CNTN6: variants seen among roughly 807,000 people sequenced by gnomAD.
CNTN6 encodes contactin-6.
In CNTN6, 137 loss-of-function variants were observed where a neutral mutation model predicts 122.8. The observed-to-expected ratio is 1.12, with a 90% CI of 0.97 to 1.29. The LOEUF is 1.29. Among genes scored for constraint, CNTN6 ranks in the 50% most tolerant of loss-of-function variants. The probability of loss-of-function intolerance (pLI) is 0.00; values close to 1 mark genes in which losing one functional copy is unlikely to be tolerated. For missense variants in CNTN6, 1,634 were observed against 1,223.4 expected (o/e 1.34, Z -5.01); for synonymous variants, 570 against 426.0 (o/e 1.34, Z -4.16).
chr3:1,173,238 G>A, intron 2 of CNTN6: 1 of 456,610 alleles, frequency 2.2e-6, no homozygotes, highest in South Asian at 1.5e-5. Context: ...GCTGCTAACT[G>A]GACTTCGTCT....
intron 1 of CNTN6, among the ~76,000 whole-genome samples, chr3:1,137,503 C>T (rs2092507708): frequency 6.6e-6 from 1 of 152,052 alleles, no homozygotes; most frequent in Non-Finnish European, 1.5e-5. Context: ...TAAAGAGCTG[C>T]AAATTTAGAA....
At chr3:1,397,781 A>G (rs751813512) in intron 20 of CNTN6, among the ~76,000 whole-genome samples, 8 of 152,118 alleles carry the variant, frequency 5.3e-5, no homozygotes, top group Non-Finnish European at 8.8e-5. Context: ...TATGCAATCA[A>G]TCCATATTTA....
rs778366558 is a variant in CNTN6 at position 1,383,113 on chromosome 3, G to GTGTATAA, written c.2340_2346dup (p.Asn783ValfsTer2). 3.8e-5 allele frequency: 61 copies of GTGTATAA among 1,613,952 alleles called. No homozygotes were observed. The highest frequency in any genetic ancestry group is 4.2e-6 in the Non-Finnish European group (5 of 1,179,952). Reference sequence around the variant, plus strand: ...GTCTCCCTTTGAAGTCAAAGTGGGTGTGTATAATAATGAAGGAGAAGGATC... The same window carrying GTGTATAA: ...GTCTCCCTTTGAAGTCAAAGTGGGTGTGTATAATGTATAATAATGAAGGAGAAGGATC... On this transcript the variant is annotated frameshift_variant, in exon 18 of 23. Transcript: ENST00000446702. LOFTEE classifies it high-confidence loss of function.
At chr3:1,177,943 T>C (rs1442057755) in intron 2 of CNTN6, among the ~76,000 whole-genome samples, 2 of 149,148 alleles carry the variant, frequency 1.3e-5, no homozygotes, top group African/African-American at 4.9e-5. Flanking sequence ...CTCTGTCACC[T>C]AGGCTGGAGT....
rs763117890 is a variant in CNTN6, at chr3:1,106,549, ATC to A, written c.-83+13442_-83+13443del. ...ACACACACACACACACACACGCACA[ATC>A]TCTCTCTCTCTCAAACTTTGGCATA... On this transcript the variant is annotated intron_variant, in intron 1 of 22. Coordinates refer to ENST00000446702, the MANE Select transcript of CNTN6 (RefSeq NM_001289080.2). 5.5e-5 allele frequency among the ~76,000 whole-genome samples: 8 copies of A among 146,682 alleles called. No homozygotes were observed. The Admixed American group carries it at 5.5e-4, about 10-fold the overall frequency.
At chr3:1,102,443 C>T (rs2090951779) in intron 1 of CNTN6, among the ~76,000 whole-genome samples, 1 of 152,184 alleles carries the variant, frequency 6.6e-6, no homozygotes, top group African/African-American at 2.4e-5. Flanking sequence ...AAATTAAGAA[C>T]AGTCCTGCCG....
At chr3:1,097,352 A>C (rs886319110) in intron 1 of CNTN6, among the ~76,000 whole-genome samples, 1 of 152,248 alleles carries the variant, frequency 6.6e-6, no homozygotes, top group African/African-American at 2.4e-5. Flanking sequence ...TAGAAAACTT[A>C]TATGTATTAG....
chr3:1,299,228 T>C (rs1181290576), intron 7 of CNTN6, among the ~76,000 whole-genome samples: 1 of 152,204 alleles, frequency 6.6e-6, no homozygotes, highest in Non-Finnish European at 1.5e-5. Context: ...CATCAGTTTT[T>C]AATTGTCTGC....
At chr3:1,172,980 A>T (rs2093385900) in intron 2 of CNTN6, among the ~76,000 whole-genome samples, 1 of 152,162 alleles carries the variant, frequency 6.6e-6, no homozygotes, top group Admixed American at 6.5e-5. Flanking sequence ...TTTCTCCAGG[A>T]GTGGAGGGTT....
Position 1,102,878 on chromosome 3 carries a change from C to T in CNTN6, c.-83+9758C>T, listed in dbSNP as rs368620956. ...ATCCCAGCACTTTTGGAGGCCGAGG[C>T]GGGCGGATCACGAGATCAGGAGATC... is the stretch of plus-strand genomic sequence containing the variant. On this transcript the variant is annotated intron_variant, in intron 1 of 22. Coordinates refer to ENST00000446702, the MANE Select transcript of CNTN6 (RefSeq NM_001289080.2). 3.7e-4 allele frequency among the ~76,000 whole-genome samples: 55 copies of T among 150,336 alleles called. No homozygotes were observed. In the East Asian group the frequency reaches 5.2e-3, roughly 14 times the overall value.
chr3:1,103,953 T>G (rs1268068168), intron 1 of CNTN6, among the ~76,000 whole-genome samples: 1 of 152,108 alleles, frequency 6.6e-6, no homozygotes, highest in Non-Finnish European at 1.5e-5. Flanking sequence ...GATAAATAAT[T>G]TAACGTACTA....
intron 4 of CNTN6, among the ~76,000 whole-genome samples, chr3:1,242,294 A>G (rs1484596972): frequency 2.6e-5 from 4 of 152,200 alleles, no homozygotes; most frequent in African/African-American, 9.6e-5. Flanking sequence ...CATCTTTAAG[A>G]TGGAGAACAG....
chr3:1,124,686 T>A (rs1391985956), intron 1 of CNTN6, among the ~76,000 whole-genome samples: 1 of 123,000 alleles, frequency 8.1e-6, no homozygotes, highest in East Asian at 2.6e-4. Flanking sequence ...TAAACATTAT[T>A]GAAATTTTTT....
chr3:1,371,247 C>A (rs1216672323), intron 12 of CNTN6, among the ~76,000 whole-genome samples: 1 of 151,912 alleles, frequency 6.6e-6, no homozygotes, highest in African/African-American at 2.4e-5. Flanking sequence ...AGATTTTAGT[C>A]CATTTCTTAG....
At chr3:1,273,521 G>A (rs1691755308) in intron 4 of CNTN6, among the ~76,000 whole-genome samples, 4 of 152,160 alleles carry the variant, frequency 2.6e-5, no homozygotes, top group Admixed American at 2.6e-4. Flanking sequence ...GCTAGCAGAA[G>A]GGTATTTGAA....
At chr3:1,180,839 T>C (rs1476046745) in intron 2 of CNTN6, among the ~76,000 whole-genome samples, 3 of 152,220 alleles carry the variant, frequency 2.0e-5, no homozygotes, top group Non-Finnish European at 4.4e-5. Context: ...CCTCCCTCAT[T>C]TGTGAGAGTT....
intron 1 of CNTN6, among the ~76,000 whole-genome samples, chr3:1,142,048 A>G (rs932535289): frequency 2.7e-4 from 41 of 152,192 alleles, no homozygotes; most frequent in African/African-American, 9.9e-4. Flanking sequence ...CGGACAAACC[A>G]AGGTTTAACA....
chr3:1,325,311 T>C (rs1701378237), intron 8 of CNTN6, among the ~76,000 whole-genome samples: 1 of 151,828 alleles, frequency 6.6e-6, no homozygotes, highest in Admixed American at 6.6e-5. Context: ...GAATACTGGA[T>C]TATCTTTCTA....
intron 1 of CNTN6, among the ~76,000 whole-genome samples, chr3:1,133,637 T>C (rs537958539): frequency 1.3e-5 from 2 of 148,802 alleles, no homozygotes; most frequent in African/African-American, 5.0e-5. Flanking sequence ...AGTCAGTGAC[T>C]TTATTTTCTT....
Sources: allele counts gnomAD v4.1 joint callset (sites outside exome capture counted in the v4.1 genomes callset), GRCh38; gene constraint gnomAD v4.1.1; transcripts MANE v1.5; gene names NCBI Gene and HGNC (gene_info 2026-07-23, HGNC 2026-07-21).